UBXN7: variants seen among roughly 807,000 people sequenced by gnomAD.
UBXN7 encodes UBX domain protein 7, also known as UBX domain-containing protein 7.
A neutral mutation model predicts 58.0 loss-of-function variants in UBXN7; 9 were observed. The ratio of observed to expected loss-of-function variants is 0.16; its 90% CI spans 0.09 to 0.27. UBXN7 has a LOEUF of 0.27. Among genes scored for constraint, UBXN7 ranks in the 10% least tolerant of loss-of-function variants. The probability of loss-of-function intolerance (pLI) is 1.00; values close to 1 mark genes in which losing one functional copy is unlikely to be tolerated. For missense variants in UBXN7, 328 were observed against 599.6 expected (o/e 0.55, Z 4.73); for synonymous variants, 208 against 205.0 (o/e 1.01, Z -0.12).
intron 8 of UBXN7, among the ~76,000 whole-genome samples, chr3:196,363,899 G>A (rs937707212): frequency 1.3e-5 from 2 of 150,666 alleles, no homozygotes; most frequent in African/African-American, 4.9e-5. Context: ...CCCCAGCCTG[G>A]TGACAGAGCG....
At chr3:196,409,231 A>G (rs993109336) in intron 1 of UBXN7, among the ~76,000 whole-genome samples, 5 of 151,860 alleles carry the variant, frequency 3.3e-5, no homozygotes, top group African/African-American at 1.2e-4. Context: ...TTATAACTAG[A>G]AGTTCTGTTT....
chr3:196,366,176 A>G (rs544676860), intron 8 of UBXN7, among the ~76,000 whole-genome samples: 2 of 152,260 alleles, frequency 1.3e-5, no homozygotes, highest in African/African-American at 4.8e-5. Context: ...TAGGCACTTT[A>G]TTATAGGTGA....
chr3:196,410,668 A>T (rs1045065983), intron 1 of UBXN7, among the ~76,000 whole-genome samples: 1 of 151,880 alleles, frequency 6.6e-6, no homozygotes, highest in African/African-American at 2.4e-5. Flanking sequence ...CTAAAAATAC[A>T]AAAATTAGCC....
intron 1 of UBXN7, among the ~76,000 whole-genome samples, chr3:196,412,249 AG>A (rs1271727268): frequency 1.9e-5 from 2 of 104,608 alleles, no homozygotes; most frequent in Non-Finnish European, 4.1e-5. Flanking sequence ...AAAAAAAAAA[AG>A]AAAAAAGAAA....
intron 5 of UBXN7, among the ~76,000 whole-genome samples, chr3:196,381,192 C>T (rs925328706): frequency 2.6e-5 from 4 of 152,246 alleles, no homozygotes; most frequent in Middle Eastern, 3.2e-3. Flanking sequence ...GGGTCCCTGA[C>T]TCCCGTGTAG....
chr3:196,363,921 CAAAAA>C, intron 8 of UBXN7, among the ~76,000 whole-genome samples: 1 of 113,296 alleles, frequency 8.8e-6, no homozygotes, highest in Non-Finnish European at 1.9e-5. Context: ...GACTCCATCT[CAAAAA>C]AAAAAAAAAA....
intron 3 of UBXN7, among the ~76,000 whole-genome samples, chr3:196,401,270 A>T (rs1285429373): frequency 4.9e-4 from 41 of 83,126 alleles, no homozygotes; most frequent in South Asian, 3.5e-3. Context: ...AAAAAAAAAA[A>T]AAAAATATAT....
chr3:196,375,564 A>G (rs1728993772), intron 5 of UBXN7, among the ~76,000 whole-genome samples: 1 of 152,220 alleles, frequency 6.6e-6, no homozygotes. Context: ...GGGCCATGAG[A>G]AAAATAATCT....
At position 196,349,632 on chromosome 3, in the gene UBXN7, TAGAG is replaced by T. The variant is rs1389478223; in HGVS notation, c.*7049_*7052del. ...GGCACTATGGAACCAGCTACCTAGA[TAGAG>T]AGAAAAAAGGAGAATGGCAGGGAAC... is the stretch of plus-strand genomic sequence containing the variant. On this transcript the variant is annotated 3_prime_UTR_variant, in exon 11 of 11. Coordinates refer to ENST00000296328, the MANE Select transcript of UBXN7 (RefSeq NM_015562.2). 4.6e-5 allele frequency: 7 copies of T among 151,704 alleles called. No homozygotes were observed. Among genetic ancestry groups the T allele is most frequent in the Non-Finnish European group, 8.8e-5 (6 of 67,916 alleles). The allele number at this position is 151,704 out of a possible 1,614,324, so 9.4% of individuals were successfully genotyped here.
chr3:196,377,574 T>C lies in UBXN7; in HGVS notation c.469-5532A>G, dbSNP rs141890470. ...ATCTACTTGCAAAGGACACTAGAAA[T>C]TTCCAGATGCTTAACTCAATTCAGA... On this transcript the variant is annotated intron_variant, in intron 5 of 10. Transcript: ENST00000296328. Among the ~76,000 whole-genome samples the C allele has an allele frequency of 1.2e-3, 186 of 152,274 alleles. 2 individuals are homozygous for C. Among genetic ancestry groups the C allele is most frequent in the Middle Eastern group, 3.4e-3 (1 of 294 alleles).
chr3:196,382,233 C>A (rs1462462581), intron 5 of UBXN7, among the ~76,000 whole-genome samples: 1 of 152,122 alleles, frequency 6.6e-6, no homozygotes, highest in African/African-American at 2.4e-5. Context: ...TTAAGGGCAG[C>A]CAGAGAGAAA....
At chr3:196,431,671 T>TG in intron 1 of UBXN7, 1 of 271,618 alleles carries the variant, frequency 3.7e-6, no homozygotes, top group Non-Finnish European at 7.5e-6. Flanking sequence ...CTATTCAGCT[T>TG]GGGGGTTCCC....
intron 8 of UBXN7, among the ~76,000 whole-genome samples, chr3:196,367,333 A>G (rs934501056): frequency 6.6e-6 from 1 of 152,210 alleles, no homozygotes; most frequent in African/African-American, 2.4e-5. Flanking sequence ...CAATTATCAA[A>G]CATGTCTACC....
intron 1 of UBXN7, chr3:196,432,124 C>T: frequency 1.4e-6 from 1 of 716,814 alleles, no homozygotes; most frequent in Non-Finnish European, 2.5e-6. Context: ...AGACAGAGAA[C>T]GAGGGTATCG....
At chr3:196,358,125 CCATGATGAACCACGTGCGAGCTG>C (rs1417398450) in intron 10 of UBXN7, among the ~76,000 whole-genome samples, 10 of 152,202 alleles carry the variant, frequency 6.6e-5, no homozygotes, top group Non-Finnish European at 1.5e-4. Context: ...CGCAGCGTCA[CCATGATGAACCACGTGCGAGCTG>C]AGGAATAAAC....
At chr3:196,377,778 T>C (rs1019854729) in intron 5 of UBXN7, among the ~76,000 whole-genome samples, 2 of 152,002 alleles carry the variant, frequency 1.3e-5, no homozygotes, top group Admixed American at 1.3e-4. Context: ...GCGATCCTCC[T>C]ACCCCAGCCT....
At chr3:196,425,447 T>C (rs1730819692) in intron 1 of UBXN7, among the ~76,000 whole-genome samples, 1 of 152,068 alleles carries the variant, frequency 6.6e-6, no homozygotes, top group Non-Finnish European at 1.5e-5. Context: ...TTAATACATT[T>C]TGTAGAGATG....
intron 4 of UBXN7, 112 bp from the exon 5 acceptor site, chr3:196,392,037 C>A (rs73213958): frequency 0.068 from 41,965 of 615,076 alleles, 1,974 homozygotes; most frequent in Middle Eastern, 0.09. Context: ...TGTCAATATG[C>A]TTGACCTCAA....
intron 5 of UBXN7, among the ~76,000 whole-genome samples, chr3:196,376,477 C>T (rs1400576203): frequency 7.8e-6 from 1 of 128,064 alleles, no homozygotes; most frequent in African/African-American, 2.9e-5. Flanking sequence ...ACCCAGGAGG[C>T]GGAGGTTGCA....
Sources: allele counts gnomAD v4.1 joint callset (sites outside exome capture counted in the v4.1 genomes callset), GRCh38; gene constraint gnomAD v4.1.1; transcripts MANE v1.5; gene names NCBI Gene and HGNC (gene_info 2026-07-23, HGNC 2026-07-21).